DNAAF11: variants seen among roughly 807,000 people sequenced by gnomAD.
The protein encoded by DNAAF11 is dynein axonemal assembly factor 11.
A neutral mutation model predicts 60.8 loss-of-function variants in DNAAF11; 45 were observed. That is an observed-to-expected ratio of 0.74 (90% CI 0.58 to 0.95). The LOEUF is 0.95. Among genes scored for constraint, DNAAF11 ranks in the 40% least tolerant of loss-of-function variants. DNAAF11 has a pLI of 0.00. For synonymous variants in DNAAF11, 191 were observed against 183.5 expected (o/e 1.04, Z -0.33); for missense variants, 546 against 546.2 (o/e 1.00, Z 0.00).
At chr8:132,675,270 G>A (rs1001983151) in intron 1 of DNAAF11, 19 of 497,184 alleles carry the variant, frequency 3.8e-5, no homozygotes, top group Admixed American at 1.1e-4. Flanking sequence ...TACAGATTAG[G>A]AACCTGAGCT....
chr8:132,655,041 C>T (rs1023369837), intron 3 of DNAAF11, among the ~76,000 whole-genome samples: 1 of 151,316 alleles, frequency 6.6e-6, no homozygotes, highest in Non-Finnish European at 1.5e-5. Flanking sequence ...AAAAAGAACA[C>T]TCAAATTTAG....
intron 3 of DNAAF11, among the ~76,000 whole-genome samples, chr8:132,644,906 G>A (rs1036955889): frequency 6.6e-6 from 1 of 152,204 alleles, no homozygotes; most frequent in Non-Finnish European, 1.5e-5. Flanking sequence ...ACCTCTGGGG[G>A]CAGGGCATAG....
intron 10 of DNAAF11, among the ~76,000 whole-genome samples, chr8:132,597,543 T>C (rs1238759156): frequency 1.3e-5 from 2 of 152,182 alleles, no homozygotes; most frequent in African/African-American, 2.4e-5. Flanking sequence ...CAGCAATAGA[T>C]TTCATTATTT....
chr8:132,690,278 A>G, the DNAAF11 span, among the ~76,000 whole-genome samples: 2 of 152,150 alleles, frequency 1.3e-5, no homozygotes, highest in Non-Finnish European at 2.9e-5. Flanking sequence ...TGATTGGATC[A>G]TGGGGCAGTT....
chr8:132,701,555 AC>A, the DNAAF11 span, among the ~76,000 whole-genome samples: 2 of 152,150 alleles, frequency 1.3e-5, no homozygotes, highest in African/African-American at 4.8e-5. Context: ...AGCTGCATGG[AC>A]CCCAGAACTA....
At chr8:132,674,804 C>A (rs1825621511) in intron 1 of DNAAF11, among the ~76,000 whole-genome samples, 2 of 152,256 alleles carry the variant, frequency 1.3e-5, no homozygotes, top group Admixed American at 1.3e-4. Context: ...AGGAGAATTG[C>A]TTGAACCCGG....
chr8:132,593,359 A>ATT (rs1554673718), intron 10 of DNAAF11, among the ~76,000 whole-genome samples: 7 of 145,044 alleles, frequency 4.8e-5, no homozygotes, highest in South Asian at 4.3e-4. Flanking sequence ...ATATATATAT[A>ATT]TATTTATATG....
At chr8:132,688,055 TATC>T in the DNAAF11 span, among the ~76,000 whole-genome samples, 2 of 152,210 alleles carry the variant, frequency 1.3e-5, no homozygotes, top group Non-Finnish European at 1.5e-5. Flanking sequence ...TAATTCTTAA[TATC>T]ATGCAAATAA....
the DNAAF11 span, among the ~76,000 whole-genome samples, chr8:132,687,939 G>A: frequency 0.57 from 87,417 of 152,042 alleles, 27,586 homozygotes; most frequent in African/African-American, 0.85. Flanking sequence ...TTAAATTACC[G>A]CTAAGTTAGG....
At chr8:132,604,767 C>A (rs1817972602) in intron 10 of DNAAF11, among the ~76,000 whole-genome samples, 1 of 151,956 alleles carries the variant, frequency 6.6e-6, no homozygotes, top group African/African-American at 2.4e-5. Context: ...TAACCCCAAC[C>A]AAAATAGAAA....
intron 11 of DNAAF11, among the ~76,000 whole-genome samples, chr8:132,581,648 C>T (rs188325588): frequency 6.2e-4 from 75 of 120,954 alleles, no homozygotes; most frequent in African/African-American, 2.4e-3. Context: ...TTGACAAGAG[C>T]GAGACTCTGC....
chr8:132,690,305 C>T, the DNAAF11 span, among the ~76,000 whole-genome samples: 1 of 152,044 alleles, frequency 6.6e-6, no homozygotes, highest in South Asian at 2.1e-4. Context: ...ATGCTGTTCT[C>T]GTGATACTGA....
chr8:132,603,024 C>T (rs528786366), intron 10 of DNAAF11, among the ~76,000 whole-genome samples: 7 of 152,134 alleles, frequency 4.6e-5, no homozygotes, highest in East Asian at 3.9e-4. Context: ...AAAGTGAGAG[C>T]GATTTATTAG....
intron 10 of DNAAF11, chr8:132,608,542 T>C (rs1818337440): frequency 2.3e-6 from 1 of 439,086 alleles, no homozygotes; most frequent in African/African-American, 2.0e-5. Context: ...TTCTCATCAA[T>C]TGGTTGGCAC....
chr8:132,697,779 T>C, the DNAAF11 span, among the ~76,000 whole-genome samples: 1 of 150,970 alleles, frequency 6.6e-6, no homozygotes, highest in Non-Finnish European at 1.5e-5. Flanking sequence ...AAATGAGGAG[T>C]TAGTATTTGC....
the DNAAF11 span, among the ~76,000 whole-genome samples, chr8:132,689,802 T>C: frequency 0.27 from 41,039 of 151,984 alleles, 7,923 homozygotes; most frequent in African/African-American, 0.55. Context: ...TGGTTCACTA[T>C]AGCCTTATTC....
chr8:132,625,271 C>G lies in DNAAF11; in HGVS notation c.836+1G>C, dbSNP rs1586617567. On this transcript the variant is annotated splice_donor_variant, in intron 6 of 11. Transcript: ENST00000620350. LOFTEE classifies it high-confidence loss of function. The stretch of plus-strand genomic sequence containing the variant: ...CCCTCTCCTAGGAAAGAATGAAATA[C>G]CTTAATTTTTCCTGTTTCTTCCGTT... 1 of 1,595,874 alleles carries G rather than the reference C, an allele frequency of 6.3e-7. No homozygotes were observed. Among genetic ancestry groups the G allele is most frequent in the South Asian group, 1.2e-5 (1 of 86,688 alleles).
the DNAAF11 span, among the ~76,000 whole-genome samples, chr8:132,693,152 A>G: frequency 1.3e-5 from 2 of 152,156 alleles, no homozygotes; most frequent in Non-Finnish European, 2.9e-5. Context: ...ACCAGGAAGG[A>G]GAATGAAGGG....
chr8:132,608,365 T>C, intron 10 of DNAAF11: 2 of 340,076 alleles, frequency 5.9e-6, no homozygotes, highest in Non-Finnish European at 5.8e-6. Context: ...AGTCCATATA[T>C]ATATAAATTA....
Sources: allele counts gnomAD v4.1 joint callset (sites outside exome capture counted in the v4.1 genomes callset), GRCh38; gene constraint gnomAD v4.1.1; transcripts MANE v1.5; gene names NCBI Gene and HGNC (gene_info 2026-07-23, HGNC 2026-07-21).